AFF1: variants seen among roughly 807,000 people sequenced by gnomAD.
The protein encoded by AFF1 is AF4/FMR2 family member 1.
Under a neutral mutation model 121.7 loss-of-function variants are expected in AFF1, and 48 were observed. The observed-to-expected ratio is 0.39, with a 90% CI of 0.31 to 0.50. AFF1 has a LOEUF of 0.50. Ranked by LOEUF, AFF1 falls within the 20% of genes least tolerant of loss-of-function variation. The pLI is 0.76. For synonymous variants in AFF1, 613 were observed against 563.0 expected, an observed-to-expected ratio of 1.09 and a Z score of -1.26; for missense variants, 1,523 against 1,511.7, an observed-to-expected ratio of 1.01 and a Z score of -0.12.
At chr4:87,111,491 C>T (rs1726527449) in intron 11 of AFF1, among the ~76,000 whole-genome samples, 1 of 151,820 alleles carries the variant, frequency 6.6e-6, no homozygotes, top group Non-Finnish European at 1.5e-5. Context: ...GTAGCTGGGA[C>T]TACAGGTACG....
At chr4:87,127,174 C>CCCG in intron 15 of AFF1, 57 bp downstream of exon 15, 3 of 1,251,404 alleles carry the variant, frequency 2.4e-6, no homozygotes, top group South Asian at 1.2e-5. Context: ...CTTCCCCCCC[C>CCCG]CACCAAGATA....
Position 87,047,317 on chromosome 4 carries a change from A to C in AFF1, c.782A>C (p.His261Pro), listed in dbSNP as rs1379628926. Residue 261 changes from histidine to proline, a missense_variant, in exon 4 of 21, where the codon CAT becomes CCT. Physicochemically the swap from His to Pro is moderately conservative, Grantham distance 77. Coordinates refer to ENST00000395146, the MANE Select transcript of AFF1 (RefSeq NM_001166693.3). ...KSPKDLAVKVHDKETPQDSLV... is the reference protein window; with the variant it reads ...KSPKDLAVKVPDKETPQDSLV... ...CCCAAGGACCTAGCAGTGAAAGTCC[A>C]TGATAAAGAGACCCCTCAAGACAGT... is the stretch of plus-strand genomic sequence containing the variant. The C allele has an allele frequency of 6.2e-7, 1 of 1,614,078 alleles. No homozygotes were observed. The highest frequency in any genetic ancestry group is 1.3e-5 in the African/African-American group (1 of 74,910).
intron 2 of AFF1, among the ~76,000 whole-genome samples, chr4:86,956,059 G>A (rs926214523): frequency 6.6e-6 from 1 of 152,320 alleles, no homozygotes; most frequent in East Asian, 1.9e-4. Context: ...ATGTTTTCCT[G>A]AAATAGTGAT....
chr4:87,018,064 G>A (rs1353727880), intron 2 of AFF1, among the ~76,000 whole-genome samples: 2 of 152,284 alleles, frequency 1.3e-5, no homozygotes, highest in Non-Finnish European at 2.9e-5. Context: ...GAAATCTGCT[G>A]CTCTGCATAT....
At chr4:86,968,116 C>T (rs1248318801) in intron 2 of AFF1, among the ~76,000 whole-genome samples, 2 of 152,170 alleles carry the variant, frequency 1.3e-5, no homozygotes, top group Admixed American at 6.5e-5. Flanking sequence ...TTCAGAACAT[C>T]AAATGCTGTT....
chr4:87,011,166 G>A (rs1469904158), intron 2 of AFF1, among the ~76,000 whole-genome samples: 1 of 152,022 alleles, frequency 6.6e-6, no homozygotes, highest in African/African-American at 2.4e-5. Flanking sequence ...AGGGGTGTAT[G>A]CATGGGAGTA....
chr4:87,125,026 T>C lies in AFF1; in HGVS notation c.2467-11T>C. On this transcript the variant is annotated splice_polypyrimidine_tract_variant and intron_variant, in intron 12 of 20. Coordinates refer to ENST00000395146, the MANE Select transcript of AFF1 (RefSeq NM_001166693.3). ...TGGTAATAATTTGCTTTGCTGATTATACTGTAATAGGGTGAAGCAGAAAGA... is the reference window on the plus strand; with the variant it reads ...TGGTAATAATTTGCTTTGCTGATTACACTGTAATAGGGTGAAGCAGAAAGA... 2.5e-6 allele frequency: 4 copies of C among 1,572,892 alleles called. No individual in the cohort carries two copies. Among genetic ancestry groups the C allele is most frequent in the Non-Finnish European group, 3.4e-6 (4 of 1,160,026 alleles).
intron 4 of AFF1, among the ~76,000 whole-genome samples, chr4:87,060,279 G>C (rs150149195): frequency 6.6e-6 from 1 of 152,122 alleles, no homozygotes; most frequent in Non-Finnish European, 1.5e-5. Context: ...TGCTATAAAA[G>C]TTGGAAGTTT....
intron 1 of AFF1, among the ~76,000 whole-genome samples, chr4:86,938,319 G>A (rs1013821829): frequency 2.0e-5 from 3 of 151,958 alleles, no homozygotes; most frequent in African/African-American, 7.2e-5. Context: ...GCATGATGGC[G>A]TGCTCCTGTA....
intron 8 of AFF1, among the ~76,000 whole-genome samples, chr4:87,101,914 T>C (rs939074474): frequency 2.0e-5 from 3 of 152,238 alleles, no homozygotes; most frequent in Non-Finnish European, 2.9e-5. Flanking sequence ...TACAAAATAT[T>C]GGCAGTGAAA....
At chr4:87,115,831 G>A (rs1164188178) in intron 12 of AFF1, among the ~76,000 whole-genome samples, 1 of 151,692 alleles carries the variant, frequency 6.6e-6, no homozygotes, top group Non-Finnish European at 1.5e-5. Flanking sequence ...GGCTGCTCTT[G>A]AACATCTGAG....
chr4:87,115,017 T>C lies in AFF1; in HGVS notation c.2184T>C (p.Thr728=), dbSNP rs781229485. ...CCCACAGTGGCAGCGGCAGCAGGAC[T>C]AGTGGCTGCCGCCAAGCCGTGGTGG... ...GPPHSGSGSR[T]SGCRQAVVVQ... is the part of the protein sequence containing the mutation. The change falls in exon 12 of 21, where the codon ACT becomes ACC. Residue 728 remains threonine (T), a synonymous_variant. Transcript: ENST00000395146. 3.0e-5 allele frequency: 48 copies of C among 1,612,700 alleles called. No individual in the cohort carries two copies. Among genetic ancestry groups the C allele is most frequent in the Middle Eastern group, 1.6e-4 (1 of 6,076 alleles).
At chr4:87,047,794 C>A in intron 4 of AFF1, 200 bp downstream of exon 4, 2 of 758,968 alleles carry the variant, frequency 2.6e-6, no homozygotes, top group Admixed American at 2.0e-5. Context: ...TATTGAAATG[C>A]AGTTTGCAGA....
intron 4 of AFF1, among the ~76,000 whole-genome samples, chr4:87,057,309 T>G (rs993337472): frequency 1.2e-4 from 18 of 152,208 alleles, no homozygotes; most frequent in Non-Finnish European, 2.5e-4. Flanking sequence ...TCTTTAGTTA[T>G]TTATTGAGTA....
At chr4:87,132,122 A>G (rs755287904) in intron 18 of AFF1, 149 bp from the exon 19 acceptor site, 21 of 904,884 alleles carry the variant, frequency 2.3e-5, no homozygotes, top group Non-Finnish European at 3.4e-5. Flanking sequence ...TACTTTTGGG[A>G]TAGTATGAAC....
intron 2 of AFF1, among the ~76,000 whole-genome samples, chr4:86,971,674 A>ATT (rs1722957506): frequency 6.6e-6 from 1 of 152,252 alleles, no homozygotes; most frequent in Non-Finnish European, 1.5e-5. Context: ...ATAAATAGCA[A>ATT]TACTCTATCT....
At chr4:86,995,635 G>A (rs1385745401) in intron 2 of AFF1, among the ~76,000 whole-genome samples, 2 of 151,056 alleles carry the variant, frequency 1.3e-5, no homozygotes, top group Admixed American at 6.6e-5. Flanking sequence ...CCAGGCTGGA[G>A]TGCAGTGGTG....
intron 2 of AFF1, among the ~76,000 whole-genome samples, chr4:87,007,839 C>T (rs959673285): frequency 1.3e-5 from 2 of 152,152 alleles, no homozygotes; most frequent in Admixed American, 6.5e-5. Flanking sequence ...AAACATAGTT[C>T]ACCTTGGAGA....
At chr4:87,104,082 T>C (rs1450107748) in intron 8 of AFF1, among the ~76,000 whole-genome samples, 2 of 152,208 alleles carry the variant, frequency 1.3e-5, no homozygotes, top group African/African-American at 2.4e-5. Context: ...ACAAGTCCTA[T>C]GACTGAAGGC....
Sources: gnomAD v4.1 joint callset for allele counts (sites outside exome capture counted in the v4.1 genomes callset) on GRCh38, gnomAD v4.1.1 for gene constraint, MANE v1.5 for transcripts, NCBI Gene and HGNC (gene_info 2026-07-23, HGNC 2026-07-21) for gene names.